POLQ: variants seen among roughly 807,000 people sequenced by gnomAD.
The protein encoded by POLQ is epididymis secretory sperm binding protein.
A neutral mutation model predicts 259.2 loss-of-function variants in POLQ; 233 were observed. The observed-to-expected ratio is 0.90, with a 90% CI of 0.81 to 1.00. The LOEUF is 1.00. POLQ is among the 50% of genes least tolerant of loss of function. The pLI is 0.00. For synonymous variants in POLQ, 1,025 were observed against 1,048.8 expected (o/e 0.98, Z 0.44); for missense variants, 2,871 against 3,051.6 (o/e 0.94, Z 1.39).
chr3:121,477,720 G>A (rs943259729), intron 19 of POLQ, among the ~76,000 whole-genome samples: 2 of 152,046 alleles, frequency 1.3e-5, no homozygotes, highest in African/African-American at 4.8e-5. Flanking sequence ...GAATCCCTAA[G>A]ACTTCAGCTT....
chr3:121,468,505 C>A, intron 22 of POLQ, 74 bp from the exon 23 acceptor site: 2 of 1,031,994 alleles, frequency 1.9e-6, no homozygotes, highest in Non-Finnish European at 2.9e-6. Flanking sequence ...ATTCACATTT[C>A]TGGATTATCT....
intron 9 of POLQ, among the ~76,000 whole-genome samples, chr3:121,512,996 A>C (rs1338355234): frequency 6.6e-6 from 1 of 152,240 alleles, no homozygotes; most frequent in Admixed American, 6.5e-5. Context: ...ACAACTATAC[A>C]ATTTGAACAA....
chr3:121,476,486 A>G (rs1021185922), intron 20 of POLQ, 54 bp downstream of exon 20: 1 of 1,293,046 alleles, frequency 7.7e-7, no homozygotes, highest in South Asian at 1.4e-5. Flanking sequence ...ACACACACAC[A>G]ATCATTTTAA....
chr3:121,545,929 T>G lies in POLQ; in HGVS notation c.-52A>C. 1 of 1,601,870 alleles carries G rather than the reference T, an allele frequency of 6.2e-7. No individual in the cohort carries two copies. Among genetic ancestry groups the G allele is most frequent in the Non-Finnish European group, 8.5e-7 (1 of 1,172,640 alleles). On this transcript the variant is annotated 5_prime_UTR_variant, in exon 1 of 30. Coordinates refer to ENST00000264233, the MANE Select transcript of POLQ (RefSeq NM_199420.4). ...CAAGCCACAGTCCCAGCGTCCTCCC[T>G]CTCGGGAGAACCCTGGCCTGGCAAC... is the stretch of plus-strand genomic sequence containing the variant.
At chr3:121,523,017 G>A (rs1444041756) in intron 7 of POLQ, among the ~76,000 whole-genome samples, 4 of 152,104 alleles carry the variant, frequency 2.6e-5, no homozygotes, top group Non-Finnish European at 4.4e-5. Flanking sequence ...CCCCCAGTAA[G>A]AGCTTAACGT....
chr3:121,436,288 A>G lies in POLQ; in HGVS notation c.7390-13T>C. On this transcript the variant is annotated splice_polypyrimidine_tract_variant and intron_variant, in intron 27 of 29. Transcript: ENST00000264233. ...CTTGACGCTCAGCCTAGAAAAAACA[A>G]TCAACAGGTGCTCCACCAGATATGC... 1 of 1,613,150 alleles carries G rather than the reference A, an allele frequency of 6.2e-7. No individual in the cohort carries two copies. Among genetic ancestry groups the G allele is most frequent in the South Asian group, 1.1e-5 (1 of 91,020 alleles).
intron 7 of POLQ, among the ~76,000 whole-genome samples, chr3:121,526,890 T>TGTGG (rs542001955): frequency 6.6e-6 from 1 of 151,346 alleles, no homozygotes; most frequent in African/African-American, 2.4e-5. Context: ...TGTGTGTGTG[T>TGTGG]GCGCGCGCGC....
chr3:121,494,235 A>G (rs2048095748), intron 14 of POLQ: 5 of 1,572,992 alleles, frequency 3.2e-6, no homozygotes, highest in Admixed American at 3.4e-5. Flanking sequence ...GGCACTGGAC[A>G]GGACATCCAG....
At chr3:121,471,805 A>C (rs1016877299) in intron 22 of POLQ, among the ~76,000 whole-genome samples, 185 bp downstream of exon 22, 2 of 152,142 alleles carry the variant, frequency 1.3e-5, no homozygotes, top group Non-Finnish European at 2.9e-5. Flanking sequence ...GCAGGAACCA[A>C]TACTCATCTC....
chr3:121,447,720 C>G (rs1046995072), intron 26 of POLQ, among the ~76,000 whole-genome samples: 2 of 152,062 alleles, frequency 1.3e-5, no homozygotes, highest in Non-Finnish European at 2.9e-5. Context: ...TTTGGCATTT[C>G]TTGTAGGACA....
Position 121,509,625 on chromosome 3 carries a change from A to G in POLQ, c.1895T>C (p.Phe632Ser). Residue 632 changes from phenylalanine (F) to serine (S), a missense_variant, in exon 12 of 30, where the codon TTT becomes TCT. Phe to Ser is a radical substitution (Grantham distance 155). Transcript: ENST00000264233. ...SLSPADTLDI[F>S]ADLQRAMKGF... ...CTTCATTGCTCTTTGCAGGTCAGCA[A>G]AAATATCTAAAGTATCAGCTGGAGA... 1 of 1,613,888 alleles carries G rather than the reference A, an allele frequency of 6.2e-7. No homozygotes were observed.
Position 121,434,799 on chromosome 3 carries a change from C to T in POLQ, c.7543+1323G>A, listed in dbSNP as rs1371322941. Among the ~76,000 whole-genome samples, 3 of 152,202 alleles carry T rather than the reference C, an allele frequency of 2.0e-5. No individual in the cohort carries two copies. The East Asian group carries it at 5.8e-4, about 29-fold the overall frequency. On this transcript the variant is annotated intron_variant, in intron 28 of 29. Transcript: ENST00000264233. ...TAATCATGACCTTTCTGCCCCATCT[C>T]TAGCAGCTTTTTCTTCCTCTGTATG...
At chr3:121,495,871 AAG>A (rs2048117024) in intron 14 of POLQ, among the ~76,000 whole-genome samples, 6 of 150,698 alleles carry the variant, frequency 4.0e-5, no homozygotes, top group Admixed American at 3.3e-4. Context: ...AAAAAAAAAA[AAG>A]AGTGAGTGCC....
At chr3:121,465,999 G>C (rs886519772) in intron 24 of POLQ, among the ~76,000 whole-genome samples, 1 of 152,188 alleles carries the variant, frequency 6.6e-6, no homozygotes, top group Non-Finnish European at 1.5e-5. Context: ...GGCCTCTTGT[G>C]CCATACAGTT....
chr3:121,493,378 T>C (rs2048087054), intron 15 of POLQ, 100 bp downstream of exon 15: 1 of 870,970 alleles, frequency 1.1e-6, no homozygotes, highest in Non-Finnish European at 1.7e-6. Flanking sequence ...TATAATAAGA[T>C]TATTTAAGAG....
At chr3:121,435,993 G>A in intron 28 of POLQ, 129 bp downstream of exon 28, 4 of 672,620 alleles carry the variant, frequency 5.9e-6, no homozygotes, top group East Asian at 2.7e-5. Flanking sequence ...ATTTCTAATA[G>A]TATAAAGACA....
chr3:121,490,929 C>A (rs1034057661), intron 15 of POLQ, among the ~76,000 whole-genome samples: 1 of 151,986 alleles, frequency 6.6e-6, no homozygotes, highest in Non-Finnish European at 1.5e-5. Context: ...GTAGCGGGTA[C>A]CTGTAATTAC....
At chr3:121,453,662 G>A (rs1438341396) in intron 25 of POLQ, among the ~76,000 whole-genome samples, 12 of 151,784 alleles carry the variant, frequency 7.9e-5, no homozygotes, top group Non-Finnish European at 1.5e-4. Context: ...GAAATGAAGC[G>A]AGAAGGGAAG....
chr3:121,514,237 A>G lies in POLQ; in HGVS notation c.1469-2208T>C, dbSNP rs144779602. Among the ~76,000 whole-genome samples, 1,187 of 150,650 alleles carry G rather than the reference A, an allele frequency of 7.9e-3. 10 individuals carry two copies. Among genetic ancestry groups the G allele is most frequent in the African/African-American group, 0.028 (1,144 of 41,084 alleles). On this transcript the variant is annotated intron_variant, in intron 9 of 29. Transcript: ENST00000264233. ...CAGCTACTTGGGAGGCTGAGGCAAG[A>G]GAATCGCTTGAGCCCAGGAGGTGGA... is the stretch of plus-strand genomic sequence containing the variant.
Sources: allele counts gnomAD v4.1 joint callset (sites outside exome capture counted in the v4.1 genomes callset), GRCh38; gene constraint gnomAD v4.1.1; transcripts MANE v1.5; gene names NCBI Gene and HGNC (gene_info 2026-07-23, HGNC 2026-07-21).